The following TFEC variants were observed in gnomAD, a reference collection of about 807,000 sequenced individuals.
TFEC encodes class E basic helix-loop-helix protein 34.
In TFEC, 31 loss-of-function variants were observed where a neutral mutation model predicts 41.6. The observed-to-expected ratio is 0.74, with a 90% CI of 0.56 to 1.01. The LOEUF (loss-of-function observed/expected upper bound fraction) is 1.01. Among genes scored for constraint, TFEC ranks in the 50% least tolerant of loss-of-function variants. The pLI is 0.00. For synonymous variants in TFEC, 143 were observed against 140.6 expected (o/e 1.02, Z -0.12); for missense variants, 402 against 404.1 (o/e 0.99, Z 0.04).
intron 1 of TFEC, among the ~76,000 whole-genome samples, chr7:116,010,048 T>TTTTTTTA (rs1168566999): frequency 6.6e-6 from 1 of 152,000 alleles, no homozygotes; most frequent in Non-Finnish European, 1.5e-5. Context: ...AAAAAGCATT[T>TTTTTTTA]CGGAGAGATG....
At chr7:115,979,157 C>T (rs1302624750) in intron 2 of TFEC, among the ~76,000 whole-genome samples, 1 of 152,134 alleles carries the variant, frequency 6.6e-6, no homozygotes, top group Non-Finnish European at 1.5e-5. Flanking sequence ...CCAGACTTCT[C>T]CCTCTATATA....
chr7:116,040,534 T>A (rs938809638), intron 3 of TFEC, among the ~76,000 whole-genome samples: 4 of 152,214 alleles, frequency 2.6e-5, no homozygotes, highest in African/African-American at 9.6e-5. Context: ...TTAATATTAT[T>A]TTTGCTTTAC....
At position 115,957,928 on chromosome 7, in the gene TFEC, T is replaced by C. The variant is rs1792320586; in HGVS notation, c.268-1135A>G. 2.0e-5 allele frequency among the ~76,000 whole-genome samples: 3 copies of C among 152,010 alleles called. No homozygotes were observed. In the South Asian group the frequency reaches 6.2e-4, roughly 31 times the overall value. On this transcript the variant is annotated intron_variant, in intron 3 of 7. Transcript: ENST00000265440. ...TGAGATAATAATCTATTACAGTATA[T>C]ATAATAAATGTTGTATATACCTGAG...
intron 1 of TFEC, among the ~76,000 whole-genome samples, chr7:116,124,306 C>A (rs1197592925): frequency 5.3e-5 from 8 of 152,016 alleles, no homozygotes; most frequent in Non-Finnish European, 2.9e-5. Context: ...TGTTATTAAA[C>A]AGGTAATGAA....
At chr7:116,059,217 T>C (rs1426994782) in intron 3 of TFEC, among the ~76,000 whole-genome samples, 4 of 151,844 alleles carry the variant, frequency 2.6e-5, no homozygotes, top group African/African-American at 9.7e-5. Context: ...GGATGATTAG[T>C]GTATATGACA....
At chr7:115,961,157 T>C (rs1353242254) in intron 3 of TFEC, among the ~76,000 whole-genome samples, 1 of 151,682 alleles carries the variant, frequency 6.6e-6, no homozygotes, top group African/African-American at 2.4e-5. Flanking sequence ...CTCAGCCCAA[T>C]AGACTTGTAT....
chr7:115,971,678 C>T (rs1387154920), intron 3 of TFEC, among the ~76,000 whole-genome samples: 1 of 151,916 alleles, frequency 6.6e-6, no homozygotes, highest in Non-Finnish European at 1.5e-5. Context: ...GGAAATGGGG[C>T]CACCAGAATT....
chr7:115,974,135 G>A, intron 3 of TFEC, 35 bp downstream of exon 3: 1 of 1,525,222 alleles, frequency 6.6e-7, no homozygotes, highest in Non-Finnish European at 8.9e-7. Flanking sequence ...ATTCATTTCT[G>A]TTTCAATGAC....
intron 3 of TFEC, among the ~76,000 whole-genome samples, chr7:116,076,777 T>C (rs950691862): frequency 6.6e-6 from 1 of 152,076 alleles, no homozygotes; most frequent in African/African-American, 2.4e-5. Flanking sequence ...TTTGGAACTA[T>C]GTTAAACCTC....
At chr7:116,003,843 C>A (rs1794690211) in intron 1 of TFEC, among the ~76,000 whole-genome samples, 1 of 151,886 alleles carries the variant, frequency 6.6e-6, no homozygotes, top group South Asian at 2.1e-4. Context: ...CTAAAAAAAA[C>A]CCTCAAAATA....
At chr7:115,969,181 G>C (rs887138173) in intron 3 of TFEC, among the ~76,000 whole-genome samples, 5 of 151,712 alleles carry the variant, frequency 3.3e-5, no homozygotes, top group Non-Finnish European at 7.4e-5. Flanking sequence ...ACTATGCTGG[G>C]TACTAACAAC....
intron 1 of TFEC, among the ~76,000 whole-genome samples, chr7:116,020,371 T>C (rs1184236012): frequency 6.6e-6 from 1 of 152,186 alleles, no homozygotes; most frequent in Non-Finnish European, 1.5e-5. Context: ...AAGAAAATAG[T>C]TCTGAATGTG....
chr7:116,137,002 T>C, intron 1 of TFEC, among the ~76,000 whole-genome samples: 1 of 152,102 alleles, frequency 6.6e-6, no homozygotes, highest in Admixed American at 6.5e-5. Context: ...TCATATAATA[T>C]TCCTCCAAAT....
At chr7:116,023,946 A>G (rs1795492513) in intron 1 of TFEC, among the ~76,000 whole-genome samples, 1 of 152,150 alleles carries the variant, frequency 6.6e-6, no homozygotes. Flanking sequence ...AATGGAAGCA[A>G]TTAATTCCCT....
chr7:116,078,206 C>A (rs1358271463), intron 3 of TFEC, among the ~76,000 whole-genome samples: 1 of 151,494 alleles, frequency 6.6e-6, no homozygotes, highest in South Asian at 2.1e-4. Flanking sequence ...GAGGAAAGGT[C>A]ATAGCATTAA....
chr7:115,982,452 A>C (rs886359606), intron 2 of TFEC, among the ~76,000 whole-genome samples: 1 of 152,206 alleles, frequency 6.6e-6, no homozygotes, highest in South Asian at 2.1e-4. Context: ...CTATTGCGAC[A>C]ACACAGGGTA....
intron 1 of TFEC, among the ~76,000 whole-genome samples, chr7:115,999,647 A>C (rs560109616): frequency 1.3e-4 from 20 of 152,102 alleles, no homozygotes; most frequent in African/African-American, 4.8e-4. Flanking sequence ...AGGAGACATT[A>C]CAACTGATAT....
intron 1 of TFEC, among the ~76,000 whole-genome samples, chr7:116,153,064 G>A (rs1798794404): frequency 6.6e-6 from 1 of 152,120 alleles, no homozygotes; most frequent in South Asian, 2.1e-4. Flanking sequence ...CTAAATCTAA[G>A]TTATAGAGGA....
At chr7:116,006,407 T>A (rs928994376) in intron 1 of TFEC, among the ~76,000 whole-genome samples, 1 of 152,150 alleles carries the variant, frequency 6.6e-6, no homozygotes, top group African/African-American at 2.4e-5. Flanking sequence ...ATGTGAGACA[T>A]GGAATCAAAG....
Sources: allele counts gnomAD v4.1 joint callset (sites outside exome capture counted in the v4.1 genomes callset), GRCh38; gene constraint gnomAD v4.1.1; transcripts MANE v1.5; gene names NCBI Gene and HGNC (gene_info 2026-07-23, HGNC 2026-07-21).